The following SNX29 variants were observed in gnomAD, a reference collection of about 807,000 sequenced individuals.
The protein encoded by SNX29 is sorting nexin-29.
A neutral mutation model predicts 102.1 loss-of-function variants in SNX29; 78 were observed. The observed-to-expected ratio is 0.76, with a 90% confidence interval of 0.64 to 0.92. The LOEUF is 0.92. Ranked by LOEUF, SNX29 falls within the 40% of genes least tolerant of loss-of-function variation. The probability of loss-of-function intolerance (pLI) is 0.00; values close to 1 mark genes in which losing one functional copy is unlikely to be tolerated. For missense variants in SNX29, 1,280 were observed against 1,061.7 expected (o/e 1.21, Z -2.86); for synonymous variants, 580 against 414.5 (o/e 1.40, Z -4.85).
rs1213560435 is a variant in SNX29 at position 12,570,246 on chromosome 16, G to A, written c.*1617G>A. 5 of 1,065,162 alleles carry A rather than the reference G, an allele frequency of 4.7e-6. No homozygotes were observed. The highest frequency in any genetic ancestry group is 5.7e-6 in the Non-Finnish European group (5 of 879,276). The allele number at this position is 1,065,162 out of a possible 1,614,324, so 66.0% of individuals were successfully genotyped here. A position where few individuals can be genotyped will look rare whatever the true frequency, so the allele number is the denominator to read the frequency against. ...AAGCCCTGCCCCGGTGAGACCAAATGAGCTGGAGCATGTATGGAGGTGCGG... is the reference window on the plus strand; with the variant it reads ...AAGCCCTGCCCCGGTGAGACCAAATAAGCTGGAGCATGTATGGAGGTGCGG... On this transcript the variant is annotated 3_prime_UTR_variant, in exon 21 of 21. Coordinates refer to ENST00000566228, the MANE Select transcript of SNX29 (RefSeq NM_032167.5).
chr16:12,533,477 G>A (rs8060762), intron 20 of SNX29, among the ~76,000 whole-genome samples: 1 of 152,196 alleles, frequency 6.6e-6, no homozygotes, highest in African/African-American at 2.4e-5. Context: ...ATCCCCAGCA[G>A]TGGGGTTCCT....
intron 5 of SNX29, among the ~76,000 whole-genome samples, chr16:12,043,504 G>C (rs755855507): frequency 6.6e-6 from 1 of 151,966 alleles, no homozygotes; most frequent in African/African-American, 2.4e-5. Flanking sequence ...CTAAGCGTAC[G>C]CCACCATGCC....
At chr16:12,563,530 G>C (rs1397377477) in intron 20 of SNX29, among the ~76,000 whole-genome samples, 1 of 152,194 alleles carries the variant, frequency 6.6e-6, no homozygotes, top group African/African-American at 2.4e-5. Flanking sequence ...GAAAAATTGA[G>C]TTGTCTCCCA....
intron 11 of SNX29, among the ~76,000 whole-genome samples, chr16:12,097,463 C>T (rs1158941360): frequency 2.0e-5 from 3 of 152,194 alleles, no homozygotes; most frequent in Non-Finnish European, 4.4e-5. Flanking sequence ...TCTCACTTGT[C>T]TGTGGTTAAT....
At chr16:12,513,117 C>G (rs1203804859) in intron 19 of SNX29, among the ~76,000 whole-genome samples, 1 of 151,716 alleles carries the variant, frequency 6.6e-6, no homozygotes, top group African/African-American at 2.4e-5. Context: ...GTTCTCTCTT[C>G]TCCTCTCTGA....
intron 16 of SNX29, among the ~76,000 whole-genome samples, chr16:12,357,562 T>C (rs920248128): frequency 6.6e-6 from 1 of 152,216 alleles, no homozygotes; most frequent in Non-Finnish European, 1.5e-5. Context: ...ACTTGTACCA[T>C]TTTAACCATC....
intron 14 of SNX29, among the ~76,000 whole-genome samples, chr16:12,220,601 G>A (rs866277126): frequency 5.9e-5 from 9 of 152,168 alleles, no homozygotes; most frequent in African/African-American, 1.9e-4. Context: ...TGCATGTTGC[G>A]TTGTTTCTGT....
intron 3 of SNX29, among the ~76,000 whole-genome samples, chr16:12,006,465 G>A (rs1596572504): frequency 6.7e-6 from 1 of 149,716 alleles, no homozygotes; most frequent in South Asian, 2.1e-4. Context: ...TTGGTGAGCC[G>A]AGATTGCGCC....
chr16:12,376,039 A>AAAG (rs1241668803), intron 16 of SNX29: 1 of 152,556 alleles, frequency 6.6e-6, no homozygotes, highest in Non-Finnish European at 1.5e-5. Context: ...TCTCAAAAAA[A>AAAG]AAAAAAAAAA....
At chr16:12,483,114 G>GTTTTTGTTTTTTTTTTTTTTTTTTT (rs71139598) in intron 19 of SNX29, among the ~76,000 whole-genome samples, 1 of 66,196 alleles carries the variant, frequency 1.5e-5, no homozygotes, top group Non-Finnish European at 2.8e-5. Context: ...AAGTTATTAA[G>GTTTTTGTTTTTTTTTTTTTTTTTTT]TTTTTTTTTT....
At chr16:12,564,367 A>C (rs9929137) in intron 20 of SNX29, among the ~76,000 whole-genome samples, 1 of 152,028 alleles carries the variant, frequency 6.6e-6, no homozygotes, top group South Asian at 2.1e-4. Flanking sequence ...AGCCAAATCT[A>C]TTTCTAATCA....
At chr16:12,208,733 T>G (rs891182361) in intron 14 of SNX29, among the ~76,000 whole-genome samples, 1 of 151,988 alleles carries the variant, frequency 6.6e-6, no homozygotes, top group African/African-American at 2.4e-5. Flanking sequence ...CCCAGCTCTT[T>G]GGGAGGCTGA....
At chr16:12,455,496 C>G (rs560412891) in intron 18 of SNX29, among the ~76,000 whole-genome samples, 1 of 152,346 alleles carries the variant, frequency 6.6e-6, no homozygotes, top group East Asian at 1.9e-4. Context: ...CAAGGAAGTC[C>G]TCTTTCTCCC....
intron 13 of SNX29, among the ~76,000 whole-genome samples, chr16:12,158,549 C>G (rs889774115): frequency 6.6e-6 from 1 of 152,208 alleles, no homozygotes; most frequent in Non-Finnish European, 1.5e-5. Flanking sequence ...CTTGAGCATT[C>G]TCACATATTT....
intron 11 of SNX29, chr16:12,089,878 G>A: frequency 2.6e-6 from 1 of 379,618 alleles, no homozygotes; most frequent in Non-Finnish European, 5.1e-6. Context: ...CCTTGTACAG[G>A]CAGTGCTGAG....
intron 20 of SNX29, chr16:12,545,553 G>C (rs966074494): frequency 2.0e-5 from 3 of 152,216 alleles, no homozygotes; most frequent in Non-Finnish European, 4.4e-5. Context: ...ACGACTTATG[G>C]AGAAACGTTT....
intron 15 of SNX29, among the ~76,000 whole-genome samples, chr16:12,283,557 G>C (rs1036897820): frequency 1.3e-5 from 2 of 152,126 alleles, no homozygotes; most frequent in African/African-American, 4.8e-5. Flanking sequence ...TTGACTTCGT[G>C]ATCCACCCAC....
chr16:12,551,190 G>C (rs1319839763), intron 20 of SNX29, among the ~76,000 whole-genome samples: 1 of 152,014 alleles, frequency 6.6e-6, no homozygotes, highest in Admixed American at 6.6e-5. Flanking sequence ...CTTCCCCACA[G>C]AGAGCCTTTA....
intron 1 of SNX29, among the ~76,000 whole-genome samples, chr16:11,979,275 C>CAAA (rs71139569): frequency 0.055 from 3,395 of 61,380 alleles, 496 homozygotes; most frequent in African/African-American, 0.14. Context: ...ACTCAGTCTC[C>CAAA]AAAAAAAAAA....
Sources: gnomAD v4.1 joint callset for allele counts (sites outside exome capture counted in the v4.1 genomes callset) on GRCh38, gnomAD v4.1.1 for gene constraint, MANE v1.5 for transcripts, NCBI Gene and HGNC (gene_info 2026-07-23, HGNC 2026-07-21) for gene names.